The following USP14 variants were observed in gnomAD, a reference collection of about 807,000 sequenced individuals.
The protein encoded by USP14 is ubiquitin specific peptidase 14.
USP14 carries 38 observed loss-of-function variants against 76.5 expected under a neutral mutation model. The observed-to-expected ratio is 0.50, with a 90% CI of 0.38 to 0.65. USP14 has a LOEUF of 0.65. Among genes scored for constraint, USP14 ranks in the 30% least tolerant of loss-of-function variants. The pLI is 0.00. For missense variants in USP14, 467 were observed against 586.5 expected (o/e 0.80, Z 2.10); for synonymous variants, 192 against 191.7 (o/e 1.00, Z -0.01).
At chr18:162,649 C>G (rs991991049) in intron 1 of USP14, among the ~76,000 whole-genome samples, 1 of 151,964 alleles carries the variant, frequency 6.6e-6, no homozygotes, top group Non-Finnish European at 1.5e-5. Context: ...GTGAATGATT[C>G]TTCAATTAAA....
At chr18:188,507 C>CTTT (rs1157960535) in intron 5 of USP14, among the ~76,000 whole-genome samples, 3 of 122,482 alleles carry the variant, frequency 2.4e-5, no homozygotes, top group African/African-American at 6.1e-5. Context: ...CTCCCTCTGG[C>CTTT]TTTTTTTTTT....
chr18:162,107 A>T (rs751372886), intron 1 of USP14, among the ~76,000 whole-genome samples: 2 of 152,192 alleles, frequency 1.3e-5, no homozygotes, highest in Non-Finnish European at 2.9e-5. Flanking sequence ...ATTCCGTTGT[A>T]TGTATATACC....
chr18:176,662 G>T (rs1425132450), intron 3 of USP14, among the ~76,000 whole-genome samples: 1 of 152,008 alleles, frequency 6.6e-6, no homozygotes, highest in African/African-American at 2.4e-5. Context: ...TAAGATTTGT[G>T]TAGCTAGTTA....
chr18:175,330 C>A (rs937938598), intron 3 of USP14, among the ~76,000 whole-genome samples: 8 of 152,070 alleles, frequency 5.3e-5, no homozygotes, highest in Non-Finnish European at 8.8e-5. Context: ...TGATAGTGGA[C>A]ATCATTGCCT....
intron 3 of USP14, 38 bp downstream of exon 3, chr18:166,857 AAC>A: frequency 6.3e-7 from 1 of 1,575,850 alleles, no homozygotes; most frequent in Non-Finnish European, 8.7e-7. Context: ...ATAATGCAGT[AAC>A]CTCATTATGA....
intron 6 of USP14, among the ~76,000 whole-genome samples, chr18:196,164 A>G (rs1169919815): frequency 6.6e-6 from 1 of 151,924 alleles, no homozygotes; most frequent in Middle Eastern, 3.2e-3. Flanking sequence ...CTACTAAAAA[A>G]AATGCAAAAA....
chr18:211,227 C>CG lies in USP14; in HGVS notation c.1429dup (p.Val477GlyfsTer10). On this transcript the variant is annotated frameshift_variant, in exon 16 of 16. Transcript: ENST00000261601. LOFTEE classifies it high-confidence loss of function. ...GTGGTGGAGACTGGCATATCGCTTA[C>CG]GTTCTACTCTATGGGCCTCGCAGAG... is the stretch of plus-strand genomic sequence containing the variant. 1 of 1,613,990 alleles carries CG rather than the reference C, an allele frequency of 6.2e-7. No homozygotes were observed. The highest frequency in any genetic ancestry group is 8.5e-7 in the Non-Finnish European group (1 of 1,179,926).
rs758985407 is a variant in USP14 at position 209,955 on chromosome 18, AT to A, written c.1165-9del. The A allele has an allele frequency of 1.3e-6, 2 of 1,571,054 alleles. No homozygotes were observed. Among genetic ancestry groups the A allele is most frequent in the Admixed American group, 2.0e-5 (1 of 50,304 alleles). The stretch of plus-strand genomic sequence containing the variant: ...CCAAAATCATGATTTAAAATTAAAC[AT>A]TTTTTTCTCCTCAGAGTGACAAAAA... On this transcript the variant is annotated splice_polypyrimidine_tract_variant and intron_variant, in intron 13 of 15. Transcript: ENST00000261601.
chr18:162,564 C>T (rs528660380), intron 1 of USP14, among the ~76,000 whole-genome samples: 1 of 152,166 alleles, frequency 6.6e-6, no homozygotes, highest in Non-Finnish European at 1.5e-5. Context: ...CTTTATTCTC[C>T]CAGGAATTTT....
chr18:173,537 G>C (rs1339533572), intron 3 of USP14, among the ~76,000 whole-genome samples: 1 of 152,046 alleles, frequency 6.6e-6, no homozygotes, highest in African/African-American at 2.4e-5. Context: ...TCAGCCTCCT[G>C]AGTAGCTGGG....
chr18:168,229 A>G (rs1403436479), intron 3 of USP14, among the ~76,000 whole-genome samples: 1 of 151,862 alleles, frequency 6.6e-6, no homozygotes, highest in Middle Eastern at 3.2e-3. Context: ...CCCGGCCAAA[A>G]TACAGTTGAT....
chr18:180,556 C>T (rs989067578), intron 5 of USP14, among the ~76,000 whole-genome samples: 4 of 152,324 alleles, frequency 2.6e-5, no homozygotes, highest in African/African-American at 7.2e-5. Flanking sequence ...AAAGCAGTGT[C>T]GTACTCACTG....
chr18:200,697 TC>T (rs2143078107), intron 10 of USP14, among the ~76,000 whole-genome samples: 1 of 152,332 alleles, frequency 6.6e-6, no homozygotes, highest in East Asian at 1.9e-4. Flanking sequence ...TCGAAGGATC[TC>T]CCCATTTGAA....
In USP14 at chr18:178,960, G is replaced by A; in HGVS notation, c.223G>A (p.Ala75Thr). The part of the protein sequence containing the change: ...NGMTLLMMGS[A>T]DALPEEPSAK... ...AATGACTCTACTAATGATGGGGTCA[G>A]CAGATGCTCTTCCAGAAGAACCCTC... The change falls in exon 4 of 16, where the codon GCA (alanine) becomes ACA (threonine). Residue 75 changes from alanine (A) to threonine (T), a missense_variant. By Grantham distance (58) the Ala-to-Thr change is moderately conservative. Transcript: ENST00000261601. 1 of 1,613,024 alleles carries A rather than the reference G, an allele frequency of 6.2e-7. No homozygotes were observed. Among genetic ancestry groups the A allele is most frequent in the Non-Finnish European group, 8.5e-7 (1 of 1,179,522 alleles).
chr18:206,095 T>C lies in USP14; in HGVS notation c.1164+1403T>C, dbSNP rs566912771. On this transcript the variant is annotated intron_variant, in intron 13 of 15. Coordinates refer to ENST00000261601, the MANE Select transcript of USP14 (RefSeq NM_005151.4). ...AATGCCTAGGAATGCAGTTGTTAGA[T>C]TGCATGGTAGTTGCATGTTTAGTTT... 4.7e-4 allele frequency among the ~76,000 whole-genome samples: 71 copies of C among 152,344 alleles called. 1 individual carries two copies. The South Asian group carries it at 0.014, about 30-fold the overall frequency.
chr18:180,240 A>C lies in USP14; in HGVS notation c.305A>C (p.Glu102Ala). The C allele has an allele frequency of 1.4e-6, 2 of 1,471,754 alleles. No homozygotes were observed. The highest frequency in any genetic ancestry group is 2.7e-5 in the South Asian group (2 of 74,820). The allele number at this position is 1,471,754 out of a possible 1,614,324, so 91.2% of individuals were successfully genotyped here. The change falls in exon 5 of 16, where the codon GAG (glutamate) becomes GCG (alanine). Residue 102 changes from glutamate (E) to alanine (A), a missense_variant. Glu to Ala is a moderately radical substitution (Grantham distance 107). Transcript: ENST00000261601. ...MTEEQLASAMELPCGLTNLGN... is the reference protein window; with the variant it reads ...MTEEQLASAMALPCGLTNLGN... ...TTTTTTTTTTTTTCCAACTAGATGG[A>C]GTTACCATGTGGATTGACAAACCTT...
chr18:180,589 C>CA (rs1352950545), intron 5 of USP14, among the ~76,000 whole-genome samples: 5 of 152,214 alleles, frequency 3.3e-5, no homozygotes, highest in African/African-American at 1.2e-4. Flanking sequence ...TTAACCCCTT[C>CA]ACCCACCTCT....
chr18:204,955 G>C (rs1214834274), intron 13 of USP14, among the ~76,000 whole-genome samples: 1 of 150,722 alleles, frequency 6.6e-6, no homozygotes, highest in Non-Finnish European at 1.5e-5. Flanking sequence ...GCTCACTGCA[G>C]TCTCAACCTC....
Position 202,928 on chromosome 18 carries a change from G to A in USP14, c.925G>A (p.Ala309Thr). The change falls in exon 11 of 16, where the codon GCC becomes ACC. Residue 309 changes from alanine (A) to threonine (T), a missense_variant. By Grantham distance (58) the Ala-to-Thr change is moderately conservative. Coordinates refer to ENST00000261601, the MANE Select transcript of USP14 (RefSeq NM_005151.4). ...ACAGTCTCCAACGTTGCAAAGAAAT[G>A]CCTTGTATATCAAATCTGTAAGTTA... ...TKQSPTLQRN[A>T]LYIKSSKISR... 1 of 1,614,124 alleles carries A rather than the reference G, an allele frequency of 6.2e-7. No homozygotes were observed. The highest frequency in any genetic ancestry group is 8.5e-7 in the Non-Finnish European group (1 of 1,179,992).
Sources: gnomAD v4.1 joint callset for allele counts (sites outside exome capture counted in the v4.1 genomes callset) on GRCh38, gnomAD v4.1.1 for gene constraint, MANE v1.5 for transcripts, NCBI Gene and HGNC (gene_info 2026-07-23, HGNC 2026-07-21) for gene names.